Variants in CCDC158 observed in about 807,000 individuals in gnomAD.
CCDC158 encodes the protein coiled-coil domain-containing protein 158.
In CCDC158, 116 loss-of-function variants were observed where a neutral mutation model predicts 138.6. The observed-to-expected ratio is 0.84, with a 90% CI of 0.72 to 0.98. The LOEUF (loss-of-function observed/expected upper bound fraction) is 0.98, where lower values mean the gene tolerates loss of function less well. Among genes scored for constraint, CCDC158 ranks in the 50% least tolerant of loss-of-function variants. The pLI, the probability that CCDC158 is intolerant of heterozygous loss-of-function variation, is 0.00. For synonymous variants in CCDC158, 436 were observed against 442.4 expected (o/e 0.99, Z 0.18); for missense variants, 1,265 against 1,306.1 (o/e 0.97, Z 0.48).
Position 76,353,027 on chromosome 4 carries a change from C to G in CCDC158, c.2445+96G>C, listed in dbSNP as rs1005220397. On this transcript the variant is annotated intron_variant, in intron 16 of 24. Transcript: ENST00000682701. ...GGGATACAACACAAATTGATACATT[C>G]AGTTCCTGTCTACATAGAGCTTTTG... 1.1e-5 allele frequency: 10 copies of G among 952,368 alleles called. No individual in the cohort carries two copies. In the African/African-American group the frequency reaches 1.3e-4, roughly 13 times the overall value. 59.0% of individuals were successfully genotyped at this position (952,368 alleles called of 1,614,324 possible).
At position 76,421,078 on chromosome 4, in the gene CCDC158, T is replaced by C. The variant is rs112410873; in HGVS notation, c.-230A>G. ...CTGGGACGGGGCGGCTCCCCACTCT[T>C]CGCCCCTAGGCCCCGCGGAGGCTGC... On this transcript the variant is annotated 5_prime_UTR_variant, in exon 1 of 25. Coordinates refer to ENST00000682701, the MANE Select transcript of CCDC158 (RefSeq NM_001394954.1). Among the ~76,000 whole-genome samples, 6,359 of 151,812 alleles carry C rather than the reference T, an allele frequency of 0.042. 457 individuals carry two copies. Among genetic ancestry groups the C allele is most frequent in the African/African-American group, 0.14 (5,992 of 41,382 alleles).
intron 21 of CCDC158, among the ~76,000 whole-genome samples, chr4:76,330,023 CAGAATAAAGAAGTATTACAGTACTTTCAT>C (rs1720881951): frequency 1.3e-5 from 2 of 152,116 alleles, no homozygotes; most frequent in Non-Finnish European, 2.9e-5. Flanking sequence ...TTCATAATTT[CAGAATAAAGAAGTATTACAGTACTTTCAT>C]TGCTGAAGGA....
intron 3 of CCDC158, chr4:76,401,665 T>G (rs551346468): frequency 6.2e-6 from 1 of 161,988 alleles, no homozygotes; most frequent in East Asian, 1.9e-4. Flanking sequence ...CTATCAGTTC[T>G]TGGTAATAAG....
Position 76,331,299 on chromosome 4 carries a change from A to C in CCDC158, c.2942+45T>G, listed in dbSNP as rs771944838. 2.0e-6 allele frequency: 3 copies of C among 1,494,260 alleles called. No individual in the cohort carries two copies. In the East Asian group the frequency reaches 6.8e-5, roughly 34 times the overall value. The allele number at this position is 1,494,260 out of a possible 1,614,324, so 92.6% of individuals were successfully genotyped here. ...AAGATCTTTTGAATTAATAATGAACAGTCGTAAAAGGGACATTTTGAAAAT... is the reference window on the plus strand; with the variant it reads ...AAGATCTTTTGAATTAATAATGAACCGTCGTAAAAGGGACATTTTGAAAAT... On this transcript the variant is annotated intron_variant, in intron 21 of 24. Coordinates refer to ENST00000682701, the MANE Select transcript of CCDC158 (RefSeq NM_001394954.1).
At chr4:76,418,122 C>T (rs921562556) in intron 1 of CCDC158, among the ~76,000 whole-genome samples, 8 of 152,144 alleles carry the variant, frequency 5.3e-5, no homozygotes, top group Non-Finnish European at 7.3e-5. Flanking sequence ...GGATTTTAAT[C>T]AAGGGCATAT....
At chr4:76,404,480 T>C (rs1421362858) in intron 2 of CCDC158, among the ~76,000 whole-genome samples, 1 of 151,802 alleles carries the variant, frequency 6.6e-6, no homozygotes. Context: ...CACCCCTGAA[T>C]TAGAAATGTA....
intron 1 of CCDC158, among the ~76,000 whole-genome samples, chr4:76,419,032 A>C (rs1473988826): frequency 6.6e-6 from 1 of 152,096 alleles, no homozygotes; most frequent in Non-Finnish European, 1.5e-5. Flanking sequence ...GGTGTCTGCA[A>C]CTCTTACTTG....
At chr4:76,348,268 C>CA (rs11453657) in intron 18 of CCDC158, among the ~76,000 whole-genome samples, 97,912 of 125,800 alleles carry the variant, frequency 0.78, 38,582 homozygotes, top group South Asian at 0.88. Flanking sequence ...ACTAAATATA[C>CA]AAAAAAAAAA....
At chr4:76,328,673 C>A (rs1720744201) in intron 22 of CCDC158, among the ~76,000 whole-genome samples, 1 of 152,108 alleles carries the variant, frequency 6.6e-6, no homozygotes, top group African/African-American at 2.4e-5. Context: ...GAGGTTTTAG[C>A]AACATAAGGG....
intron 24 of CCDC158, among the ~76,000 whole-genome samples, chr4:76,313,789 G>A (rs1326796166): frequency 6.6e-6 from 1 of 151,248 alleles, no homozygotes; most frequent in East Asian, 1.9e-4. Context: ...ATGTGCACAT[G>A]TTTTATTCTT....
chr4:76,403,540 T>C (rs1728581832), intron 2 of CCDC158, among the ~76,000 whole-genome samples: 1 of 152,210 alleles, frequency 6.6e-6, no homozygotes, highest in Admixed American at 6.5e-5. Flanking sequence ...TAGAGGTTTC[T>C]CATAAGGTTA....
intron 9 of CCDC158, among the ~76,000 whole-genome samples, chr4:76,375,918 C>T (rs947226997): frequency 6.6e-6 from 1 of 152,184 alleles, no homozygotes; most frequent in Non-Finnish European, 1.5e-5. Context: ...CCTGTCATGT[C>T]ATCAATTTTT....
intron 9 of CCDC158, chr4:76,375,561 A>T: frequency 1.4e-6 from 1 of 702,830 alleles, no homozygotes; most frequent in Non-Finnish European, 2.6e-6. Context: ...CTGCTTTCAA[A>T]GTAGTAAAAA....
chr4:76,352,048 A>G (rs1723094773), intron 16 of CCDC158: 1 of 361,916 alleles, frequency 2.8e-6, no homozygotes, highest in Non-Finnish European at 4.9e-6. Flanking sequence ...AAGGGCAAAC[A>G]ATGAATGAAC....
rs201403698 is a variant in CCDC158 at position 76,357,990 on chromosome 4, T to C, written c.2021-464A>G. 3.4e-4 allele frequency among the ~76,000 whole-genome samples: 34 copies of C among 100,600 alleles called. No homozygotes were observed. The South Asian group carries it at 3.8e-3, about 11-fold the overall frequency. 66.0% of individuals were successfully genotyped at this position (100,600 alleles called of 152,430 possible). A position where few individuals can be genotyped will look rare whatever the true frequency, so the allele number is the denominator to read the frequency against. ...TGATATACTACAATACACACATGTG[T>C]GCACACACACACACACACACATATT... On this transcript the variant is annotated intron_variant, in intron 13 of 24. Transcript: ENST00000682701.
rs772647536 is a variant in CCDC158, at chr4:76,367,590, T to A, written c.1534A>T (p.Ile512Phe). ...TTSLQEKERAIEATNAEITKL... is the reference protein window; with the variant it reads ...TTSLQEKERAFEATNAEITKL... ...GTGATCTCTGCATTGGTAGCCTCGA[T>A]GGCTCTCTCTTTTTCCTGGAGAGAA... The change falls in exon 12 of 25, where the codon ATC (isoleucine) becomes TTC (phenylalanine). Residue 512 changes from isoleucine to phenylalanine, a missense_variant. Physicochemically the swap from Ile to Phe is conservative, Grantham distance 21. Transcript: ENST00000682701. 1.9e-6 allele frequency: 3 copies of A among 1,614,244 alleles called. No homozygotes were observed. The highest frequency in any genetic ancestry group is 4.5e-5 in the East Asian group (2 of 44,882).
chr4:76,387,022 T>A (rs1385320383), intron 4 of CCDC158, among the ~76,000 whole-genome samples: 1 of 152,142 alleles, frequency 6.6e-6, no homozygotes, highest in Non-Finnish European at 1.5e-5. Flanking sequence ...TCTTAGGCAA[T>A]TCCTAGTGCT....
chr4:76,316,653 C>T (rs767464269), intron 24 of CCDC158, among the ~76,000 whole-genome samples: 7 of 151,932 alleles, frequency 4.6e-5, no homozygotes, highest in East Asian at 1.9e-4. Context: ...CCTAGGCACA[C>T]GGTCATCAGG....
Position 76,357,485 on chromosome 4 carries a change from C to T in CCDC158, c.2062G>A (p.Glu688Lys). Residue 688 changes from glutamate to lysine, a missense_variant, in exon 14 of 25, where the codon GAA becomes AAA. Glu to Lys is a moderately conservative substitution (Grantham distance 56). Coordinates refer to ENST00000682701, the MANE Select transcript of CCDC158 (RefSeq NM_001394954.1). ...VLKRNFRNKS[E>K]EMEMTTNKLK... Reference sequence around the variant, plus strand: ...TTATTTGTAGTCATTTCCATTTCTTCACTTTTGTTTCGGAAATTCCTTTTT... The same window carrying T: ...TTATTTGTAGTCATTTCCATTTCTTTACTTTTGTTTCGGAAATTCCTTTTT... The T allele has an allele frequency of 6.2e-7, 1 of 1,602,618 alleles. No individual in the cohort carries two copies. Among genetic ancestry groups the T allele is most frequent in the Non-Finnish European group, 8.5e-7 (1 of 1,173,642 alleles).
Sources: allele counts gnomAD v4.1 joint callset (sites outside exome capture counted in the v4.1 genomes callset), GRCh38; gene constraint gnomAD v4.1.1; transcripts MANE v1.5; gene names NCBI Gene and HGNC (gene_info 2026-07-23, HGNC 2026-07-21).